The following KIAA1143 variants were observed in gnomAD, a reference collection of about 807,000 sequenced individuals.
The protein encoded by KIAA1143 is uncharacterized protein KIAA1143.
KIAA1143 carries 8 observed loss-of-function variants against 17.0 expected under a neutral mutation model. The observed-to-expected ratio is 0.47, with a 90% CI of 0.28 to 0.85. The LOEUF (loss-of-function observed/expected upper bound fraction) is 0.85. Ranked by LOEUF, KIAA1143 falls within the 40% of genes least tolerant of loss-of-function variation. The pLI, the probability that KIAA1143 is intolerant of heterozygous loss-of-function variation, is 0.12. For synonymous variants in KIAA1143, 64 were observed against 67.8 expected, an observed-to-expected ratio of 0.94 and a Z score of 0.27; for missense variants, 162 against 183.3, an observed-to-expected ratio of 0.88 and a Z score of 0.67.
At position 44,751,473 on chromosome 3, in the gene KIAA1143, C is replaced by A. The variant is rs549163507; in HGVS notation, c.*1868G>T. ...CTTGGCAGTGGTCGCTTTGCAAAAT[C>A]GAAGGGGACTAGATCTCCTAACTGC... On this transcript the variant is annotated 3_prime_UTR_variant, in exon 3 of 3. Coordinates refer to ENST00000296121, the MANE Select transcript of KIAA1143 (RefSeq NM_020696.4). 20 of 152,276 alleles carry A rather than the reference C, an allele frequency of 1.3e-4. No individual in the cohort carries two copies. The highest frequency in any genetic ancestry group is 1.9e-4 in the African/African-American group (8 of 41,526). The allele number at this position is 152,276 out of a possible 1,614,324, so 9.4% of individuals were successfully genotyped here.
At chr3:44,754,792 C>G in intron 1 of KIAA1143, among the ~76,000 whole-genome samples, 1 of 152,220 alleles carries the variant, frequency 6.6e-6, no homozygotes, top group East Asian at 1.9e-4. Context: ...AACGTACTCT[C>G]TCTCTCACCT....
intron 1 of KIAA1143, among the ~76,000 whole-genome samples, chr3:44,760,015 T>C (rs2125881621): frequency 6.6e-6 from 1 of 152,068 alleles, no homozygotes; most frequent in African/African-American, 2.4e-5. Flanking sequence ...TAGATCTGAA[T>C]AATTTGCTTC....
In KIAA1143 at chr3:44,753,448, T is replaced by G. The variant is rs371061161; in HGVS notation, c.358A>C (p.Lys120Gln). The G allele has an allele frequency of 3.7e-5, 60 of 1,605,590 alleles. No individual in the cohort carries two copies. Among genetic ancestry groups the G allele is most frequent in the Non-Finnish European group, 4.9e-5 (57 of 1,172,682 alleles). ...TGATTTACTTCATCTTCATTTGGCT[T>G]CTTCTTTTTTGAGCTTGCTGTTAAA... Reference protein sequence around the residue: ...SGLTASSKKKKPNEDEVNQDS... With the variant: ...SGLTASSKKKQPNEDEVNQDS... Residue 120 changes from lysine to glutamine, a missense_variant, in exon 3 of 3, where the codon AAG becomes CAG. By Grantham distance (53) the Lys-to-Gln change is moderately conservative. This residue lies in a region of KIAA1143 where 25 missense variants were observed against 50.8 expected (regional missense o/e 0.49). Transcript: ENST00000296121.
chr3:44,761,585 C>G lies in KIAA1143; in HGVS notation c.18G>C (p.Gln6His). The change falls in exon 1 of 3, where the codon CAG becomes CAC. Residue 6 changes from glutamine (Q) to histidine (H), a missense_variant. Physicochemically the swap from Gln to His is conservative, Grantham distance 24. Coordinates refer to ENST00000296121, the MANE Select transcript of KIAA1143 (RefSeq NM_020696.4). Reference sequence around the variant, plus strand: ...GCTCGGCTGGCCGCACGTACGATACCTGGTTCCGCTTGCTCATGGTAGCTC... The same window carrying G: ...GCTCGGCTGGCCGCACGTACGATACGTGGTTCCGCTTGCTCATGGTAGCTC... MSKRNQVSYVRPAEPA... is the reference protein window; with the variant it reads MSKRNHVSYVRPAEPA... 1 of 1,611,822 alleles carries G rather than the reference C, an allele frequency of 6.2e-7. No homozygotes were observed. Among genetic ancestry groups the G allele is most frequent in the African/African-American group, 1.3e-5 (1 of 74,144 alleles).
rs907756025 is a variant in KIAA1143, at chr3:44,751,643, G to A, written c.*1698C>T. On this transcript the variant is annotated 3_prime_UTR_variant, in exon 3 of 3. Coordinates refer to ENST00000296121, the MANE Select transcript of KIAA1143 (RefSeq NM_020696.4). ...AGCTGGGGCACCTAAAGGGCACTAA[G>A]TTGGGTTTCATGGCTCCCTCCCTTG... 1.3e-5 allele frequency: 2 copies of A among 152,162 alleles called. No individual in the cohort carries two copies. The highest frequency in any genetic ancestry group is 6.5e-5 in the Admixed American group (1 of 15,288). The allele number at this position is 152,162 out of a possible 1,614,324, so 9.4% of individuals were successfully genotyped here. A position where few individuals can be genotyped will look rare whatever the true frequency, so the allele number is the denominator to read the frequency against.
Position 44,761,612 on chromosome 3 carries a change from G to A in KIAA1143, c.-10C>T. On this transcript the variant is annotated 5_prime_UTR_variant, in exon 1 of 3. Coordinates refer to ENST00000296121, the MANE Select transcript of KIAA1143 (RefSeq NM_020696.4). ...GGTTCCGCTTGCTCATGGTAGCTCTGGGTAAAGACAGAAGACAGGTTCCGC... is the reference window on the plus strand; with the variant it reads ...GGTTCCGCTTGCTCATGGTAGCTCTAGGTAAAGACAGAAGACAGGTTCCGC... 6.4e-7 allele frequency: 1 copy of A among 1,554,036 alleles called. No homozygotes were observed. Among genetic ancestry groups the A allele is most frequent in the African/African-American group, 1.8e-5 (1 of 56,632 alleles).
chr3:44,757,396 A>G (rs192036197), intron 1 of KIAA1143, among the ~76,000 whole-genome samples: 24 of 152,168 alleles, frequency 1.6e-4, no homozygotes, highest in Admixed American at 2.6e-4. Flanking sequence ...ATGACTCTCA[A>G]ATCTCTACAC....
chr3:44,761,521 T>G lies in KIAA1143; in HGVS notation c.82A>C (p.Arg28=). Residue 28 remains arginine (R), a synonymous_variant, in exon 1 of 3, where the codon AGG becomes CGG. Coordinates refer to ENST00000296121, the MANE Select transcript of KIAA1143 (RefSeq NM_020696.4). ...LARFKERVGY[R]EGPTVETKRI... Reference sequence around the variant, plus strand: ...TTAGTCTCTACGGTGGGTCCCTCCCTGTAGCCGACCCGTTCCTTGAAGCGG... The same window carrying G: ...TTAGTCTCTACGGTGGGTCCCTCCCGGTAGCCGACCCGTTCCTTGAAGCGG... 6.2e-7 allele frequency: 1 copy of G among 1,613,890 alleles called. No homozygotes were observed. Among genetic ancestry groups the G allele is most frequent in the Non-Finnish European group, 8.5e-7 (1 of 1,179,864 alleles).
At chr3:44,756,641 A>T (rs917886305) in intron 1 of KIAA1143, among the ~76,000 whole-genome samples, 1 of 152,256 alleles carries the variant, frequency 6.6e-6, no homozygotes, top group Admixed American at 6.5e-5. Context: ...TTTTGTTAAT[A>T]GATGACTAAA....
Position 44,754,280 on chromosome 3 carries a change from T to C in KIAA1143, c.197A>G (p.Asp66Gly), listed in dbSNP as rs1448999073. Residue 66 changes from aspartate to glycine, a missense_variant, in exon 2 of 3, where the codon GAC becomes GGC. Asp to Gly is a moderately conservative substitution (Grantham distance 94). This residue lies in a region of KIAA1143 where 137 missense variants were observed against 132.5 expected (regional missense o/e 1.03). Coordinates refer to ENST00000296121, the MANE Select transcript of KIAA1143 (RefSeq NM_020696.4). ...TTTCATGACTTCTTCAACTGACAGG[T>C]CTCCCTTTTTTAAAACCACCACTTG... ...QPQVVVLKKG[D>G]LSVEEVMKIK... 6 of 1,613,986 alleles carry C rather than the reference T, an allele frequency of 3.7e-6. No individual in the cohort carries two copies. The highest frequency in any genetic ancestry group is 4.2e-6 in the Non-Finnish European group (5 of 1,179,982).
chr3:44,759,874 G>A (rs191301306), intron 1 of KIAA1143, among the ~76,000 whole-genome samples: 12 of 108,552 alleles, frequency 1.1e-4, no homozygotes, highest in Admixed American at 3.8e-4. Context: ...TAGCCTGGGC[G>A]ACAGAGTGAG....
Position 44,752,396 on chromosome 3 carries a change from C to T in KIAA1143, c.*945G>A, listed in dbSNP as rs1241333703. 2.6e-5 allele frequency: 4 copies of T among 151,826 alleles called. No individual in the cohort carries two copies. The highest frequency in any genetic ancestry group is 4.8e-5 in the African/African-American group (2 of 41,334). The allele number at this position is 151,826 out of a possible 1,614,324, so 9.4% of individuals were successfully genotyped here. On this transcript the variant is annotated 3_prime_UTR_variant, in exon 3 of 3. Transcript: ENST00000296121. The stretch of plus-strand genomic sequence containing the variant: ...TTGTGCGTTTTGTTCAATTATTTGT[C>T]CAAAATGCCAAGAACCTGGACACCC...
Position 44,751,154 on chromosome 3 carries a change from G to C in KIAA1143, c.*2187C>G, listed in dbSNP as rs1704886950. On this transcript the variant is annotated 3_prime_UTR_variant, in exon 3 of 3. Transcript: ENST00000296121. ...ATCAGGCCCAGTATATGGGACTGCA[G>C]TTTATTTTGAAGTTAGGTCGGTTCT... 6.6e-6 allele frequency: 1 copy of C among 152,196 alleles called. No individual in the cohort carries two copies. The highest frequency in any genetic ancestry group is 2.4e-5 in the African/African-American group (1 of 41,440). 9.4% of individuals were successfully genotyped at this position (152,196 alleles called of 1,614,324 possible). A position where few individuals can be genotyped will look rare whatever the true frequency, so the allele number is the denominator to read the frequency against.
rs1704905755 is a variant in KIAA1143, at chr3:44,752,599, G to A, written c.*742C>T. ...CAGCTCCTCCAGGCATGTCAGCAAG[G>A]AGCCAAGCTCTGAGTCTTTTTACTA... On this transcript the variant is annotated 3_prime_UTR_variant, in exon 3 of 3. Transcript: ENST00000296121. 6.6e-6 allele frequency: 1 copy of A among 151,726 alleles called. No homozygotes were observed. Among genetic ancestry groups the A allele is most frequent in the African/African-American group, 2.4e-5 (1 of 41,308 alleles). 9.4% of individuals were successfully genotyped at this position (151,726 alleles called of 1,614,324 possible).
Position 44,761,439 on chromosome 3 carries a change from G to A in KIAA1143, c.108+56C>T, listed in dbSNP as rs1214382747. On this transcript the variant is annotated intron_variant, in intron 1 of 2. Transcript: ENST00000296121. Reference sequence around the variant, plus strand: ...ACCCACCCTCCAAGTAGAGGCAAAAGTTGAAAGTGGCGGGCTGGCTGCGCT... The same window carrying A: ...ACCCACCCTCCAAGTAGAGGCAAAAATTGAAAGTGGCGGGCTGGCTGCGCT... 15 of 1,453,204 alleles carry A rather than the reference G, an allele frequency of 1.0e-5. No individual in the cohort carries two copies. In the East Asian group the frequency reaches 1.8e-4, roughly 18 times the overall value. The allele number at this position is 1,453,204 out of a possible 1,614,324, so 90.0% of individuals were successfully genotyped here. A position where few individuals can be genotyped will look rare whatever the true frequency, so the allele number is the denominator to read the frequency against.
At chr3:44,761,037 A>G (rs888532625) in intron 1 of KIAA1143, among the ~76,000 whole-genome samples, 2 of 152,132 alleles carry the variant, frequency 1.3e-5, no homozygotes, top group African/African-American at 2.4e-5. Context: ...AAGCATAGAA[A>G]CAGATTCAGG....
intron 1 of KIAA1143, among the ~76,000 whole-genome samples, chr3:44,759,191 A>C (rs983579867): frequency 6.6e-6 from 1 of 152,128 alleles, no homozygotes; most frequent in Non-Finnish European, 1.5e-5. Context: ...AAGACTGAAA[A>C]TAGAAATTAC....
intron 1 of KIAA1143, among the ~76,000 whole-genome samples, chr3:44,760,536 C>T (rs1285807620): frequency 6.6e-6 from 1 of 151,324 alleles, no homozygotes; most frequent in Non-Finnish European, 1.5e-5. Context: ...ACTACAGGCG[C>T]CCGCCACCAT....
At chr3:44,754,020 C>T (rs1350927565) in intron 2 of KIAA1143, among the ~76,000 whole-genome samples, 1 of 151,712 alleles carries the variant, frequency 6.6e-6, no homozygotes, top group East Asian at 1.9e-4. Flanking sequence ...CCAATAGGTA[C>T]AATTATTTCC....
Sources: allele counts gnomAD v4.1 joint callset (sites outside exome capture counted in the v4.1 genomes callset), GRCh38; gene constraint gnomAD v4.1.1; regional missense constraint gnomAD v4.1.1; transcripts MANE v1.5; gene names NCBI Gene and HGNC (gene_info 2026-07-23, HGNC 2026-07-21).